PXDNL: variants seen among roughly 807,000 people sequenced by gnomAD.
PXDNL encodes the protein peroxidasin like.
Under a neutral mutation model 150.8 loss-of-function variants are expected in PXDNL, and 145 were observed. The ratio of observed to expected loss-of-function variants is 0.96; its 90% CI spans 0.84 to 1.10. The LOEUF is 1.10. Ranked by LOEUF, PXDNL falls within the 50% of genes least tolerant of loss-of-function variation. The pLI is 0.00. For missense variants in PXDNL, 2,087 were observed against 1,873.9 expected, an observed-to-expected ratio of 1.11 and a Z score of -2.10; for synonymous variants, 757 against 725.7, an observed-to-expected ratio of 1.04 and a Z score of -0.69.
chr8:51,600,544 T>C (rs1442749258), intron 2 of PXDNL, among the ~76,000 whole-genome samples: 1 of 134,236 alleles, frequency 7.4e-6, no homozygotes, highest in Non-Finnish European at 1.5e-5. Flanking sequence ...GATAATAAAT[T>C]ATATCTTATA....
At chr8:51,699,644 C>T (rs1816209947) in intron 1 of PXDNL, among the ~76,000 whole-genome samples, 1 of 152,244 alleles carries the variant, frequency 6.6e-6, no homozygotes, top group Admixed American at 6.5e-5. Flanking sequence ...CCTATCTCAG[C>T]TTTCCACATG....
At chr8:51,363,954 T>C (rs1018411309) in intron 19 of PXDNL, among the ~76,000 whole-genome samples, 5 of 152,208 alleles carry the variant, frequency 3.3e-5, no homozygotes, top group African/African-American at 9.7e-5. Context: ...ACTATAGTAC[T>C]GGGCAAAGCT....
At chr8:51,369,564 TTA>T (rs1344416186) in intron 19 of PXDNL, among the ~76,000 whole-genome samples, 2 of 152,096 alleles carry the variant, frequency 1.3e-5, no homozygotes, top group Admixed American at 1.3e-4. Context: ...ATTACAAACA[TTA>T]CATTAGGATT....
chr8:51,675,258 C>T (rs1437495050), intron 1 of PXDNL, among the ~76,000 whole-genome samples: 1 of 152,146 alleles, frequency 6.6e-6, no homozygotes, highest in East Asian at 1.9e-4. Context: ...ATGATTAGGC[C>T]ACAGAAGCTC....
intron 2 of PXDNL, among the ~76,000 whole-genome samples, chr8:51,610,304 C>A (rs1322482347): frequency 6.6e-6 from 1 of 152,098 alleles, no homozygotes; most frequent in African/African-American, 2.4e-5. Flanking sequence ...TTAGCACCAT[C>A]CATAGTTCTG....
At chr8:51,423,313 A>G (rs183751401) in intron 14 of PXDNL, among the ~76,000 whole-genome samples, 2 of 152,338 alleles carry the variant, frequency 1.3e-5, no homozygotes, top group African/African-American at 2.4e-5. Context: ...TTTGGTTTGT[A>G]AGAAAACATG....
intron 2 of PXDNL, among the ~76,000 whole-genome samples, chr8:51,600,473 AT>A (rs1813681395): frequency 7.3e-6 from 1 of 136,902 alleles, no homozygotes; most frequent in African/African-American, 2.7e-5. Flanking sequence ...AATAAATTAT[AT>A]CTTATATAAA....
chr8:51,548,046 A>G (rs1020120158), intron 4 of PXDNL, among the ~76,000 whole-genome samples: 1 of 151,808 alleles, frequency 6.6e-6, no homozygotes, highest in Admixed American at 6.6e-5. Flanking sequence ...TACACTGGAA[A>G]GTTTTGAACA....
intron 1 of PXDNL, among the ~76,000 whole-genome samples, chr8:51,663,843 G>A (rs1815325978): frequency 6.6e-6 from 1 of 152,064 alleles, no homozygotes; most frequent in Non-Finnish European, 1.5e-5. Flanking sequence ...CTTGAGATCA[G>A]GAGTTCATGA....
intron 1 of PXDNL, among the ~76,000 whole-genome samples, chr8:51,752,536 G>C (rs1585722810): frequency 6.6e-6 from 1 of 152,008 alleles, no homozygotes; most frequent in Non-Finnish European, 1.5e-5. Context: ...GTGAGACCTG[G>C]CCTGCCACAG....
intron 2 of PXDNL, among the ~76,000 whole-genome samples, chr8:51,619,542 C>T (rs1814195054): frequency 6.6e-6 from 1 of 152,072 alleles, no homozygotes; most frequent in Non-Finnish European, 1.5e-5. Context: ...GGTGGATTTC[C>T]CCTTCGGTGC....
chr8:51,708,557 G>T lies in PXDNL; in HGVS notation c.165-53797C>A, dbSNP rs950041102. On this transcript the variant is annotated intron_variant, in intron 1 of 22. Coordinates refer to ENST00000356297, the MANE Select transcript of PXDNL (RefSeq NM_144651.5). ...CAGAGAAGTGAAGTACATCAGCAAT[G>T]TGGAGTACAGGCTGAAATTCAAAGG... 3.9e-5 allele frequency among the ~76,000 whole-genome samples: 6 copies of T among 152,316 alleles called. No individual in the cohort carries two copies. The East Asian group carries it at 1.2e-3, about 29-fold the overall frequency.
chr8:51,552,690 G>A (rs550118571), intron 4 of PXDNL, among the ~76,000 whole-genome samples: 28 of 152,232 alleles, frequency 1.8e-4, no homozygotes, highest in African/African-American at 5.1e-4. Flanking sequence ...GGATGGAAGC[G>A]GGGGTGAGGG....
rs1446901282 is a variant in PXDNL at position 51,578,142 on chromosome 8, GAGAGAGAA to G, written c.308+14477_308+14484del. ...AGAAGGAAAGAAAGAAAGAGTGAGA[GAGAGAGAA>G]AGAAAGAGAAAGAAAGAAGGAAAGA... is the stretch of plus-strand genomic sequence containing the variant. On this transcript the variant is annotated intron_variant, in intron 3 of 22. Coordinates refer to ENST00000356297, the MANE Select transcript of PXDNL (RefSeq NM_144651.5). Among the ~76,000 whole-genome samples the G allele has an allele frequency of 2.2e-4, 28 of 126,552 alleles. 1 individual carries two copies. The highest frequency in any genetic ancestry group is 1.1e-3 in the African/African-American group (26 of 23,268). The allele number at this position is 126,552 out of a possible 152,430, so 83.0% of individuals were successfully genotyped here.
intron 3 of PXDNL, among the ~76,000 whole-genome samples, chr8:51,558,382 G>A (rs1351551398): frequency 6.6e-6 from 1 of 152,020 alleles, no homozygotes; most frequent in East Asian, 1.9e-4. Context: ...TTCTGTAAAT[G>A]TACCCCACTG....
chr8:51,789,473 G>A (rs1158716000), intron 1 of PXDNL, among the ~76,000 whole-genome samples: 1 of 152,090 alleles, frequency 6.6e-6, no homozygotes, highest in Admixed American at 6.5e-5. Context: ...CTTGGATATA[G>A]TCTTCATTAT....
intron 1 of PXDNL, among the ~76,000 whole-genome samples, chr8:51,786,453 C>A (rs58591247): frequency 0.14 from 21,118 of 151,976 alleles, 2,676 homozygotes; most frequent in African/African-American, 0.32. Flanking sequence ...AAGTGATCCG[C>A]CTGCCTTGGC....
intron 1 of PXDNL, among the ~76,000 whole-genome samples, chr8:51,685,286 G>A (rs1815849214): frequency 6.6e-6 from 1 of 152,170 alleles, no homozygotes; most frequent in East Asian, 1.9e-4. Flanking sequence ...AATTTTGAAA[G>A]TTGAGGACAT....
chr8:51,695,449 G>A (rs1816096631), intron 1 of PXDNL, among the ~76,000 whole-genome samples: 1 of 151,992 alleles, frequency 6.6e-6, no homozygotes, highest in African/African-American at 2.4e-5. Flanking sequence ...AGACAGATCA[G>A]AGCAGTAAAT....
Sources: gnomAD v4.1 joint callset for allele counts (sites outside exome capture counted in the v4.1 genomes callset) on GRCh38, gnomAD v4.1.1 for gene constraint, MANE v1.5 for transcripts, NCBI Gene and HGNC (gene_info 2026-07-23, HGNC 2026-07-21) for gene names.